The following NCKAP5 variants were observed in gnomAD, a reference collection of about 807,000 sequenced individuals.
NCKAP5 encodes the protein NCK associated protein 5, also known as nck-associated protein 5.
A neutral mutation model predicts 167.0 loss-of-function variants in NCKAP5; 92 were observed. The ratio of observed to expected loss-of-function variants is 0.55; its 90% confidence interval spans 0.47 to 0.66. The LOEUF (loss-of-function observed/expected upper bound fraction) is 0.66. Ranked by LOEUF, NCKAP5 falls within the 30% of genes least tolerant of loss-of-function variation. The probability of loss-of-function intolerance (pLI) is 0.00; values close to 1 mark genes in which losing one functional copy is unlikely to be tolerated. For synonymous variants in NCKAP5, 891 were observed against 877.4 expected (o/e 1.02, Z -0.27); for missense variants, 2,378 against 2,315.0 (o/e 1.03, Z -0.56).
At chr2:132,869,060 C>T in intron 9 of NCKAP5, 86 bp from the exon 10 acceptor site, 1 of 925,232 alleles carries the variant, frequency 1.1e-6, no homozygotes, top group South Asian at 1.8e-5. Context: ...TTTCTCGCAG[C>T]TTATTGTAGC....
At chr2:133,041,623 A>C (rs1038188474) in intron 6 of NCKAP5, among the ~76,000 whole-genome samples, 2 of 152,302 alleles carry the variant, frequency 1.3e-5, no homozygotes, top group Middle Eastern at 6.8e-3. Flanking sequence ...GATGAGGTTT[A>C]ACAGTTCAAT....
intron 5 of NCKAP5, among the ~76,000 whole-genome samples, chr2:133,213,082 C>T (rs1219864278): frequency 6.6e-6 from 1 of 152,196 alleles, no homozygotes; most frequent in Non-Finnish European, 1.5e-5. Flanking sequence ...TCCACGCATG[C>T]ATTCCCCAGG....
intron 5 of NCKAP5, among the ~76,000 whole-genome samples, chr2:133,206,132 A>G (rs1309352981): frequency 1.3e-5 from 2 of 152,216 alleles, no homozygotes; most frequent in Non-Finnish European, 2.9e-5. Flanking sequence ...TTTAAAAGGA[A>G]TATTTCTCAC....
rs114741770 is a variant in NCKAP5, at chr2:133,034,579, A to C, written c.342-40340T>G. Among the ~76,000 whole-genome samples, 1,401 of 152,262 alleles carry C rather than the reference A, an allele frequency of 9.2e-3. 23 individuals carry two copies. The highest frequency in any genetic ancestry group is 0.031 in the African/African-American group (1,298 of 41,574). ...ATAACACATTTTCAGGACATAGTAC[A>C]ATAAGATGTAAATAGAAACAAAAAA... On this transcript the variant is annotated intron_variant, in intron 6 of 19. Transcript: ENST00000409261.
intron 19 of NCKAP5, among the ~76,000 whole-genome samples, chr2:132,675,177 G>C (rs1222892177): frequency 1.3e-5 from 2 of 152,184 alleles, no homozygotes; most frequent in East Asian, 3.9e-4. Flanking sequence ...CAGGCTGAAG[G>C]CTTTGGTACT....
the NCKAP5 span, among the ~76,000 whole-genome samples, chr2:133,665,776 A>T: frequency 6.6e-6 from 1 of 152,224 alleles, no homozygotes; most frequent in Non-Finnish European, 1.5e-5. Context: ...CCCTGTGTTT[A>T]TTGTGGGTAA....
chr2:133,020,783 C>T (rs530783350), intron 6 of NCKAP5, among the ~76,000 whole-genome samples: 2 of 152,282 alleles, frequency 1.3e-5, no homozygotes, highest in South Asian at 4.1e-4. Context: ...CCTACCACAT[C>T]AGGGACATCC....
At chr2:133,513,857 G>A (rs940004589) in intron 3 of NCKAP5, among the ~76,000 whole-genome samples, 3 of 152,188 alleles carry the variant, frequency 2.0e-5, no homozygotes, top group African/African-American at 7.2e-5. Flanking sequence ...ATTAAAAAGA[G>A]AATGTTTGTT....
rs568535414 is a variant in NCKAP5, at chr2:133,451,000, A to C, written c.69+66458T>G. 3.2e-4 allele frequency among the ~76,000 whole-genome samples: 48 copies of C among 152,292 alleles called. No individual in the cohort carries two copies. In the South Asian group the frequency reaches 4.1e-3, roughly 13 times the overall value. ...TTTGGGTTAGAGCCCCCAAACCCCC[A>C]AAATGTATGCCAACCTGGAAGCTGT... On this transcript the variant is annotated intron_variant, in intron 3 of 19. Transcript: ENST00000409261.
chr2:132,860,675 C>A (rs777828898), intron 10 of NCKAP5, 64 bp from the exon 11 acceptor site: 73 of 1,511,776 alleles, frequency 4.8e-5, no homozygotes, highest in Non-Finnish European at 6.4e-5. Flanking sequence ...CATATTATAA[C>A]CATATTTTAT....
chr2:133,414,759 AT>A (rs1688999503), intron 3 of NCKAP5, among the ~76,000 whole-genome samples: 1 of 152,186 alleles, frequency 6.6e-6, no homozygotes, highest in South Asian at 2.1e-4. Context: ...TACTATGAAA[AT>A]TAGATTTTCC....
intron 8 of NCKAP5, among the ~76,000 whole-genome samples, chr2:132,939,982 G>A (rs1463878097): frequency 1.3e-5 from 2 of 152,048 alleles, no homozygotes; most frequent in African/African-American, 4.8e-5. Flanking sequence ...CCTGGGTGGA[G>A]TGAGATGCTG....
chr2:133,615,363 TAA>T, the NCKAP5 span, among the ~76,000 whole-genome samples: 1 of 151,434 alleles, frequency 6.6e-6, no homozygotes, highest in Non-Finnish European at 1.5e-5. Context: ...GCAAATTGGA[TAA>T]AGAGTCAAGA....
intron 4 of NCKAP5, among the ~76,000 whole-genome samples, chr2:133,283,992 G>A (rs1020262555): frequency 6.6e-5 from 10 of 151,958 alleles, no homozygotes; most frequent in African/African-American, 9.7e-5. Context: ...ATTGTAGAGT[G>A]GCAGACTCAA....
the NCKAP5 span, among the ~76,000 whole-genome samples, chr2:133,615,716 C>T: frequency 6.6e-6 from 1 of 152,138 alleles, no homozygotes; most frequent in Non-Finnish European, 1.5e-5. Flanking sequence ...ACTTTAACAC[C>T]CCACTGTCAA....
At chr2:133,049,860 C>T (rs1293694959) in intron 6 of NCKAP5, among the ~76,000 whole-genome samples, 1 of 152,172 alleles carries the variant, frequency 6.6e-6, no homozygotes, top group African/African-American at 2.4e-5. Context: ...ATCAACCATG[C>T]CTAATTCCCT....
rs1192588261 is a variant in NCKAP5, at chr2:132,672,142, T to A, written c.*1147A>T. 2 of 152,650 alleles carry A rather than the reference T, an allele frequency of 1.3e-5. No homozygotes were observed. The highest frequency in any genetic ancestry group is 2.9e-5 in the Non-Finnish European group (2 of 68,044). 9.5% of individuals were successfully genotyped at this position (152,650 alleles called of 1,614,324 possible). A position where few individuals can be genotyped will look rare whatever the true frequency, so the allele number is the denominator to read the frequency against. On this transcript the variant is annotated 3_prime_UTR_variant, in exon 20 of 20. Transcript: ENST00000409261. The stretch of plus-strand genomic sequence containing the variant: ...AAAAAAAGGATATTAAAAAGAATTC[T>A]TCGTAGCACCATTAATTTTATTTTT...
chr2:133,362,056 A>C (rs962836931), intron 3 of NCKAP5, among the ~76,000 whole-genome samples: 1 of 152,184 alleles, frequency 6.6e-6, no homozygotes, highest in Non-Finnish European at 1.5e-5. Context: ...GCTGTGGCTT[A>C]CAAATACTGA....
chr2:132,837,309 C>T (rs146011141), intron 11 of NCKAP5, among the ~76,000 whole-genome samples: 6 of 152,164 alleles, frequency 3.9e-5, no homozygotes, highest in African/African-American at 7.2e-5. Flanking sequence ...TTACTTATTT[C>T]GCAATTATCT....
Sources: gnomAD v4.1 joint callset for allele counts (sites outside exome capture counted in the v4.1 genomes callset) on GRCh38, gnomAD v4.1.1 for gene constraint, MANE v1.5 for transcripts, NCBI Gene and HGNC (gene_info 2026-07-23, HGNC 2026-07-21) for gene names.